Variants in GAB1 observed in about 807,000 individuals in gnomAD.
GAB1 encodes GRB2 associated binding protein 1, also known as GRB2-associated-binding protein 1.
A neutral mutation model predicts 66.5 loss-of-function variants in GAB1; 19 were observed. The ratio of observed to expected loss-of-function variants is 0.29; its 90% CI spans 0.20 to 0.42. GAB1 has a LOEUF of 0.42. Ranked by LOEUF, GAB1 falls within the 10% of genes least tolerant of loss-of-function variation. The pLI is 1.00. For missense variants in GAB1, 732 were observed against 858.5 expected, an observed-to-expected ratio of 0.85 and a Z score of 1.84; for synonymous variants, 294 against 301.4, an observed-to-expected ratio of 0.98 and a Z score of 0.25.
intron 2 of GAB1, among the ~76,000 whole-genome samples, chr4:143,424,404 A>T (rs1490988178): frequency 6.6e-6 from 1 of 152,206 alleles, no homozygotes; most frequent in African/African-American, 2.4e-5. Context: ...TCTTTAAAAG[A>T]TAAATATTTT....
At chr4:143,439,996 A>G (rs1734135678) in intron 5 of GAB1, 83 bp from the exon 6 acceptor site, 5 of 1,417,824 alleles carry the variant, frequency 3.5e-6, no homozygotes, top group Non-Finnish European at 4.9e-6. Context: ...GCTGAGATCC[A>G]TATGAATGAG....
At chr4:143,434,806 A>C in intron 3 of GAB1, among the ~76,000 whole-genome samples, 1 of 152,120 alleles carries the variant, frequency 6.6e-6, no homozygotes, top group East Asian at 1.9e-4. Flanking sequence ...AGGCATTTTA[A>C]TTGGATCCTC....
Position 143,337,120 on chromosome 4 carries a change from C to A in GAB1, c.-69C>A. On this transcript the variant is annotated 5_prime_UTR_variant, in exon 1 of 10. Transcript: ENST00000262994. The stretch of plus-strand genomic sequence containing the variant: ...TTCTCGCCACTGCGCGCTCGGCAGG[C>A]GTCGGCTGTGTCGGGAGCGCGCCCG... 1.4e-6 allele frequency: 2 copies of A among 1,387,170 alleles called. No homozygotes were observed. Among genetic ancestry groups the A allele is most frequent in the Non-Finnish European group, 2.0e-6 (2 of 1,005,390 alleles). 85.9% of individuals were successfully genotyped at this position (1,387,170 alleles called of 1,614,324 possible). A position where few individuals can be genotyped will look rare whatever the true frequency, so the allele number is the denominator to read the frequency against.
intron 1 of GAB1, among the ~76,000 whole-genome samples, chr4:143,390,673 T>C (rs1448101788): frequency 6.6e-6 from 1 of 152,200 alleles, no homozygotes; most frequent in African/African-American, 2.4e-5. Context: ...CCTATGCTGC[T>C]GGGCCAAAGA....
intron 1 of GAB1, among the ~76,000 whole-genome samples, chr4:143,356,177 C>T (rs955835897): frequency 2.2e-4 from 33 of 152,126 alleles, no homozygotes; most frequent in Non-Finnish European, 1.6e-4. Context: ...AAATCAAAGA[C>T]AAGCAGTTAG....
At chr4:143,349,717 A>G (rs969710963) in intron 1 of GAB1, 12 of 1,578,338 alleles carry the variant, frequency 7.6e-6, no homozygotes, top group Non-Finnish European at 9.4e-6. Flanking sequence ...GGCGGTGGCC[A>G]CCTCCTTGGA....
At chr4:143,403,950 A>G (rs1360264772) in intron 1 of GAB1, among the ~76,000 whole-genome samples, 1 of 152,244 alleles carries the variant, frequency 6.6e-6, no homozygotes, top group Non-Finnish European at 1.5e-5. Context: ...CTTTTTACAT[A>G]TAAATCTAAT....
intron 1 of GAB1, among the ~76,000 whole-genome samples, chr4:143,403,063 T>G (rs1359078614): frequency 6.6e-6 from 1 of 152,252 alleles, no homozygotes; most frequent in Non-Finnish European, 1.5e-5. Context: ...AGTTATCTTG[T>G]GTCAACTGCA....
intron 1 of GAB1, among the ~76,000 whole-genome samples, chr4:143,340,202 G>GT (rs550087445): frequency 1.3e-5 from 2 of 151,860 alleles, no homozygotes; most frequent in East Asian, 3.9e-4. Context: ...TCCTATGCTT[G>GT]TTTTTTTTAT....
chr4:143,463,343 C>T (rs752849222), intron 8 of GAB1, among the ~76,000 whole-genome samples: 23 of 151,788 alleles, frequency 1.5e-4, no homozygotes, highest in Admixed American at 3.3e-4. Flanking sequence ...AAATCTAGGC[C>T]GGGCATAGTG....
intron 1 of GAB1, among the ~76,000 whole-genome samples, chr4:143,386,429 C>G (rs972082797): frequency 1.3e-5 from 2 of 152,158 alleles, no homozygotes; most frequent in African/African-American, 4.8e-5. Context: ...TTCTGTCACC[C>G]AGGCTGGAGT....
At chr4:143,434,857 T>C (rs1054914414) in intron 3 of GAB1, among the ~76,000 whole-genome samples, 2 of 152,120 alleles carry the variant, frequency 1.3e-5, no homozygotes, top group African/African-American at 2.4e-5. Flanking sequence ...GTTAAGGCAA[T>C]AAAGAGTCAA....
chr4:143,456,344 C>G (rs1735190013), intron 6 of GAB1, among the ~76,000 whole-genome samples: 1 of 151,864 alleles, frequency 6.6e-6, no homozygotes, highest in Non-Finnish European at 1.5e-5. Flanking sequence ...GTAGTCCCAG[C>G]TACTTGGGAG....
chr4:143,425,252 T>C (rs1261351311), intron 2 of GAB1: 6 of 966,788 alleles, frequency 6.2e-6, no homozygotes, highest in Non-Finnish European at 9.9e-6. Context: ...TTGTTGCCGT[T>C]GAAAACCCTG....
chr4:143,382,131 C>G (rs751817281), intron 1 of GAB1: 11 of 152,326 alleles, frequency 7.2e-5, no homozygotes, highest in Non-Finnish European at 1.0e-4. Flanking sequence ...TTTATGCCGC[C>G]AGGCTGTCAT....
chr4:143,441,985 G>A (rs1361507774), intron 6 of GAB1, among the ~76,000 whole-genome samples: 2 of 152,228 alleles, frequency 1.3e-5, no homozygotes, highest in African/African-American at 4.8e-5. Flanking sequence ...TTGCGGTGTG[G>A]ATCTCAGAAA....
At chr4:143,450,911 G>A (rs903970346) in intron 6 of GAB1, among the ~76,000 whole-genome samples, 3 of 151,492 alleles carry the variant, frequency 2.0e-5, no homozygotes, top group South Asian at 4.2e-4. Flanking sequence ...AACAAAAAAT[G>A]TGTGAGATTG....
intron 1 of GAB1, among the ~76,000 whole-genome samples, chr4:143,406,722 C>G (rs949563331): frequency 3.9e-5 from 6 of 152,220 alleles, no homozygotes; most frequent in African/African-American, 1.4e-4. Context: ...GTGGGTCACC[C>G]CAGGGCACCA....
chr4:143,351,564 G>C lies in GAB1; in HGVS notation c.72+14304G>C, dbSNP rs570006591. On this transcript the variant is annotated intron_variant, in intron 1 of 9. Coordinates refer to ENST00000262994, the MANE Select transcript of GAB1 (RefSeq NM_002039.4). Reference sequence around the variant, plus strand: ...GGTGGTCTTGGAAAGGTGACCTTTCGGCGGCAAGGCTGGAGTGCCTATCCT... The same window carrying C: ...GGTGGTCTTGGAAAGGTGACCTTTCCGCGGCAAGGCTGGAGTGCCTATCCT... Among the ~76,000 whole-genome samples the C allele has an allele frequency of 1.1e-4, 17 of 152,266 alleles. No homozygotes were observed. The South Asian group carries it at 3.5e-3, about 32-fold the overall frequency.
Sources: allele counts gnomAD v4.1 joint callset (sites outside exome capture counted in the v4.1 genomes callset), GRCh38; gene constraint gnomAD v4.1.1; transcripts MANE v1.5; gene names NCBI Gene and HGNC (gene_info 2026-07-23, HGNC 2026-07-21).